Variants in PCTP observed in about 807,000 individuals in gnomAD.
PCTP encodes the protein START domain-containing protein 2.
PCTP carries 27 observed loss-of-function variants against 31.0 expected under a neutral mutation model. The observed-to-expected ratio is 0.87, with a 90% CI of 0.64 to 1.20. PCTP has a LOEUF of 1.20. Among genes scored for constraint, PCTP ranks in the 50% most tolerant of loss-of-function variants. The pLI, the probability that PCTP is intolerant of heterozygous loss-of-function variation, is 0.00. For synonymous variants in PCTP, 108 were observed against 101.2 expected (o/e 1.07, Z -0.40); for missense variants, 287 against 268.2 (o/e 1.07, Z -0.49).
At chr17:55,834,954 T>C (rs1905730303) in intron 5 of PCTP, among the ~76,000 whole-genome samples, 1 of 152,136 alleles carries the variant, frequency 6.6e-6, no homozygotes, top group South Asian at 2.1e-4. Context: ...TGTAATGAGT[T>C]AAGATAAGGT....
At chr17:55,769,671 C>T (rs888812785) in intron 2 of PCTP, 3 of 152,186 alleles carry the variant, frequency 2.0e-5, no homozygotes, top group Non-Finnish European at 4.4e-5. Context: ...CTGGTCCATC[C>T]GAGAGCTTTA....
intron 1 of PCTP, among the ~76,000 whole-genome samples, chr17:55,765,393 A>G (rs1178140221): frequency 6.6e-6 from 1 of 152,162 alleles, no homozygotes; most frequent in East Asian, 1.9e-4. Context: ...TTTCTGTCTT[A>G]GAAGATGGCA....
intron 3 of PCTP, among the ~76,000 whole-genome samples, chr17:55,795,865 T>C (rs1912168837): frequency 6.6e-6 from 1 of 152,116 alleles, no homozygotes; most frequent in Admixed American, 6.6e-5. Flanking sequence ...CATTTTGCAT[T>C]GAATAAAGTC....
At chr17:55,769,570 C>CCCAA (rs1231081620) in intron 2 of PCTP, 2 of 152,158 alleles carry the variant, frequency 1.3e-5, no homozygotes, top group African/African-American at 4.8e-5. Flanking sequence ...ATGTTTGCTC[C>CCCAA]CCAACATCAA....
chr17:55,849,741 C>A, the PCTP span, among the ~76,000 whole-genome samples: 1 of 151,920 alleles, frequency 6.6e-6, no homozygotes, highest in Non-Finnish European at 1.5e-5. Context: ...ACCCTAAGAC[C>A]AAACATAGAC....
chr17:55,793,031 C>T (rs532024334), intron 3 of PCTP, among the ~76,000 whole-genome samples: 35 of 152,182 alleles, frequency 2.3e-4, no homozygotes, highest in African/African-American at 8.4e-4. Context: ...CCCTGCCATC[C>T]CCTCCATTTT....
intron 2 of PCTP, among the ~76,000 whole-genome samples, chr17:55,786,207 C>T (rs1020141346): frequency 3.3e-5 from 5 of 152,098 alleles, no homozygotes; most frequent in East Asian, 1.9e-4. Flanking sequence ...AACTTGAACC[C>T]GGGAGGTAGT....
intron 3 of PCTP, among the ~76,000 whole-genome samples, chr17:55,801,617 A>G (rs1056873921): frequency 5.9e-5 from 9 of 152,142 alleles, no homozygotes; most frequent in African/African-American, 2.2e-4. Flanking sequence ...AATGACTTCT[A>G]GGTAAATAAC....
chr17:55,799,876 T>C (rs1172535287), intron 3 of PCTP, among the ~76,000 whole-genome samples: 2 of 152,176 alleles, frequency 1.3e-5, no homozygotes, highest in African/African-American at 4.8e-5. Context: ...AAAATTCCTT[T>C]GTTTAAGAAT....
chr17:55,751,611 GCT>G, intron 1 of PCTP: 1 of 918,798 alleles, frequency 1.1e-6, no homozygotes, highest in Non-Finnish European at 1.5e-6. Context: ...GCATATGGGG[GCT>G]GGGGTGGGGG....
At chr17:55,789,358 A>C (rs894239110) in intron 3 of PCTP, among the ~76,000 whole-genome samples, 4 of 152,228 alleles carry the variant, frequency 2.6e-5, no homozygotes, top group Non-Finnish European at 4.4e-5. Context: ...ATTCATCCAT[A>C]ACCTTCAAGT....
At chr17:55,786,153 G>A (rs574626478) in intron 2 of PCTP, among the ~76,000 whole-genome samples, 8 of 151,082 alleles carry the variant, frequency 5.3e-5, no homozygotes, top group South Asian at 2.1e-4. Flanking sequence ...GCGTGGTGGC[G>A]CAGGCCTGTA....
intron 3 of PCTP, among the ~76,000 whole-genome samples, chr17:55,813,205 C>T (rs1912810221): frequency 6.6e-6 from 1 of 152,160 alleles, no homozygotes; most frequent in East Asian, 1.9e-4. Flanking sequence ...CACTGTTTTC[C>T]TTTCCTCTCT....
intron 2 of PCTP, among the ~76,000 whole-genome samples, chr17:55,786,890 G>A (rs1368600484): frequency 6.6e-6 from 1 of 152,118 alleles, no homozygotes; most frequent in Non-Finnish European, 1.5e-5. Flanking sequence ...ATAGGATCCT[G>A]CATCACCTGT....
intron 3 of PCTP, 193 bp from the exon 4 acceptor site, chr17:55,773,531 A>G: frequency 3.7e-6 from 2 of 546,376 alleles, no homozygotes; most frequent in Admixed American, 3.1e-5. Context: ...CTTTGGTGAG[A>G]ATACTAGGTG....
At chr17:55,771,333 AT>A (rs1910997371) in intron 3 of PCTP, 148 bp downstream of exon 3, 1 of 661,614 alleles carries the variant, frequency 1.5e-6, no homozygotes, top group African/African-American at 1.8e-5. Context: ...TGCTAAAGAT[AT>A]TGCTTCTTGT....
chr17:55,772,642 A>G (rs997804874), intron 3 of PCTP, among the ~76,000 whole-genome samples: 1 of 151,746 alleles, frequency 6.6e-6, no homozygotes, highest in Non-Finnish European at 1.5e-5. Context: ...TGTTATAGTA[A>G]GTGTAATTGT....
intron 1 of PCTP, among the ~76,000 whole-genome samples, chr17:55,758,106 G>A (rs1357604195): frequency 6.6e-6 from 1 of 152,176 alleles, no homozygotes; most frequent in Non-Finnish European, 1.5e-5. Flanking sequence ...CATAGAGTGT[G>A]GAACCAGTGC....
At chr17:55,840,230 T>C (rs1193732969) in intron 5 of PCTP, among the ~76,000 whole-genome samples, 5 of 152,218 alleles carry the variant, frequency 3.3e-5, no homozygotes, top group Non-Finnish European at 7.3e-5. Flanking sequence ...ATTTTCTTGT[T>C]GCTGGCTTTC....
Sources: gnomAD v4.1 joint callset for allele counts (sites outside exome capture counted in the v4.1 genomes callset) on GRCh38, gnomAD v4.1.1 for gene constraint, MANE v1.5 for transcripts, NCBI Gene and HGNC (gene_info 2026-07-23, HGNC 2026-07-21) for gene names.